The following ADD2 variants were observed in gnomAD, a reference collection of about 807,000 sequenced individuals.
ADD2 encodes beta-adducin.
In ADD2, 23 loss-of-function variants were observed where a neutral mutation model predicts 83.0. That is an observed-to-expected ratio of 0.28 (90% CI 0.20 to 0.39). The LOEUF (loss-of-function observed/expected upper bound fraction) is 0.39, where lower values mean the gene tolerates loss of function less well. Ranked by LOEUF, ADD2 falls within the 10% of genes least tolerant of loss-of-function variation. The probability of loss-of-function intolerance (pLI) is 1.00; values close to 1 mark genes in which losing one functional copy is unlikely to be tolerated. For synonymous variants in ADD2, 375 were observed against 375.4 expected (o/e 1.00, Z 0.01); for missense variants, 758 against 944.9 (o/e 0.80, Z 2.59).
In ADD2 at chr2:70,706,648, T is replaced by G. The variant is rs868951898; in HGVS notation, c.-34-206A>C. ...TAGGGGCGCTGCTGTGCCATGAGAC[T>G]AAGTAAAAACATGGGTTCAGGTGTC... On this transcript the variant is annotated intron_variant, in intron 2 of 15. Transcript: ENST00000264436. The surrounding 1 kb of genome is among the most constrained non-coding windows in gnomAD (Gnocchi z 5.0). Among the ~76,000 whole-genome samples the G allele has an allele frequency of 2.2e-4, 34 of 152,118 alleles. No homozygotes were observed. The highest frequency in any genetic ancestry group is 1.2e-3 in the Admixed American group (19 of 15,268).
intron 1 of ADD2, among the ~76,000 whole-genome samples, chr2:70,750,120 A>G (rs1287367930): frequency 2.0e-5 from 3 of 152,078 alleles, no homozygotes; most frequent in African/African-American, 7.2e-5. Flanking sequence ...CCCAAATTCT[A>G]TTGGCCATGG....
In ADD2 at chr2:70,659,404, T is replaced by C. The variant is rs975754597; in HGVS notation, c.*4021A>G. The C allele has an allele frequency of 1.2e-4, 19 of 152,198 alleles. No homozygotes were observed. Among genetic ancestry groups the C allele is most frequent in the Non-Finnish European group, 2.6e-4 (18 of 68,042 alleles). The allele number at this position is 152,198 out of a possible 1,614,324, so 9.4% of individuals were successfully genotyped here. A position where few individuals can be genotyped will look rare whatever the true frequency, so the allele number is the denominator to read the frequency against. ...AATGCCAAACATCTGAATGACTGTC[T>C]TGCCATGTCACCATGAGCAAGTGAC... On this transcript the variant is annotated 3_prime_UTR_variant, in exon 16 of 16. Transcript: ENST00000264436.
chr2:70,698,842 CACA>C (rs1553373109), intron 4 of ADD2, among the ~76,000 whole-genome samples: 1 of 149,026 alleles, frequency 6.7e-6, no homozygotes, highest in Non-Finnish European at 1.5e-5. Flanking sequence ...CCTAAGAAAA[CACA>C]GAAAAAGATG....
At position 70,686,638 on chromosome 2, in the gene ADD2, G is replaced by A. The variant is rs17006093; in HGVS notation, c.948+1386C>T. ...GAAGGAAGATAGGGAGCTCTTAAGA[G>A]TTCAGATGTGGGAAAGGGAGAGTAG... is the stretch of plus-strand genomic sequence containing the variant. On this transcript the variant is annotated intron_variant, in intron 9 of 15. Coordinates refer to ENST00000264436, the MANE Select transcript of ADD2 (RefSeq NM_001617.4). Among the ~76,000 whole-genome samples the A allele has an allele frequency of 4.1e-3, 626 of 152,288 alleles. 5 individuals carry two copies. The highest frequency in any genetic ancestry group is 0.014 in the African/African-American group (602 of 41,562).
intron 5 of ADD2, among the ~76,000 whole-genome samples, 180 bp downstream of exon 5, chr2:70,696,065 G>A (rs1426070406): frequency 1.3e-5 from 2 of 152,226 alleles, no homozygotes; most frequent in East Asian, 1.9e-4. Flanking sequence ...CCAAAAAAGT[G>A]CCCACTGGGC....
intron 15 of ADD2, among the ~76,000 whole-genome samples, chr2:70,669,381 AG>A (rs1349588994): frequency 6.6e-6 from 1 of 152,238 alleles, no homozygotes; most frequent in Non-Finnish European, 1.5e-5. Flanking sequence ...CTGATACAAA[AG>A]GCCCATTAGC....
chr2:70,701,921 TTACAATTCACTCATGTAAA>T (rs1236756429), intron 4 of ADD2, among the ~76,000 whole-genome samples: 30 of 152,162 alleles, frequency 2.0e-4, no homozygotes, highest in Admixed American at 1.1e-3. Context: ...CTGAAAAGAT[TTACAATTCACTCATGTAAA>T]TATCTTTAAG....
At chr2:70,675,647 T>A (rs1670099533) in intron 13 of ADD2, 2 of 985,260 alleles carry the variant, frequency 2.0e-6, no homozygotes, top group Non-Finnish European at 2.4e-6. Flanking sequence ...GCAAAGAGAG[T>A]GAAGCCAAAG....
chr2:70,737,423 T>G (rs1422627527), intron 1 of ADD2, among the ~76,000 whole-genome samples: 4 of 151,934 alleles, frequency 2.6e-5, no homozygotes, highest in Non-Finnish European at 4.4e-5. Flanking sequence ...ATATCCTTTG[T>G]AGGGACATGG....
intron 1 of ADD2, among the ~76,000 whole-genome samples, chr2:70,744,242 G>C (rs1391880411): frequency 6.6e-6 from 1 of 152,186 alleles, no homozygotes; most frequent in Non-Finnish European, 1.5e-5. Context: ...TTTATGAAAG[G>C]TTTGTCGATG....
chr2:70,711,792 TTCGG>T (rs376308475), intron 2 of ADD2, among the ~76,000 whole-genome samples: 1 of 152,116 alleles, frequency 6.6e-6, no homozygotes, highest in African/African-American at 2.4e-5. Flanking sequence ...GTACCATACT[TTCGG>T]TGAGTTCTGT....
intron 1 of ADD2, among the ~76,000 whole-genome samples, chr2:70,761,742 G>A (rs1198621418): frequency 1.3e-5 from 2 of 150,486 alleles, no homozygotes; most frequent in African/African-American, 4.9e-5. Context: ...TGCAATCTCG[G>A]CTCACTGCAA....
At chr2:70,758,230 C>T (rs1389171725) in intron 1 of ADD2, among the ~76,000 whole-genome samples, 4 of 152,224 alleles carry the variant, frequency 2.6e-5, no homozygotes, top group East Asian at 1.9e-4. Flanking sequence ...TGATGGGATA[C>T]AATAATGCAC....
At chr2:70,690,082 A>T (rs548661876) in intron 8 of ADD2, among the ~76,000 whole-genome samples, 3 of 150,320 alleles carry the variant, frequency 2.0e-5, no homozygotes, top group South Asian at 2.1e-4. Context: ...ATTAAGAAAA[A>T]ACTCAGGAAG....
At chr2:70,685,295 C>T (rs1228787502) in intron 9 of ADD2, among the ~76,000 whole-genome samples, 1 of 152,158 alleles carries the variant, frequency 6.6e-6, no homozygotes, top group Non-Finnish European at 1.5e-5. Flanking sequence ...ATGTTAAATT[C>T]ATCATTTAAC....
intron 9 of ADD2, 46 bp downstream of exon 9, chr2:70,687,978 T>C (rs782588458): frequency 1.7e-5 from 25 of 1,503,442 alleles, no homozygotes; most frequent in Non-Finnish European, 1.9e-5. Flanking sequence ...CACAGGCCCC[T>C]GTCAGAGCCC....
chr2:70,723,681 T>G (rs970181709), intron 1 of ADD2, among the ~76,000 whole-genome samples: 7 of 152,190 alleles, frequency 4.6e-5, no homozygotes, highest in South Asian at 4.1e-4. Flanking sequence ...ATGTCTGGAC[T>G]GGGTTACAGG....
chr2:70,721,534 T>C (rs1553377375), intron 1 of ADD2, among the ~76,000 whole-genome samples: 1 of 152,216 alleles, frequency 6.6e-6, no homozygotes, highest in African/African-American at 2.4e-5. Flanking sequence ...TCTCAAGATA[T>C]TTCTAATTGT....
intron 1 of ADD2, among the ~76,000 whole-genome samples, chr2:70,758,414 G>A (rs1674909508): frequency 1.3e-5 from 2 of 151,756 alleles, no homozygotes. Flanking sequence ...CATATAAGGA[G>A]GTGGAAAGAG....
Sources: gnomAD v4.1 joint callset for allele counts (sites outside exome capture counted in the v4.1 genomes callset) on GRCh38, gnomAD v4.1.1 for gene constraint, Gnocchi (gnomAD v3.1) non-coding constraint, MANE v1.5 for transcripts, NCBI Gene and HGNC (gene_info 2026-07-23, HGNC 2026-07-21) for gene names.